The following SORCS2 variants were observed in gnomAD, a reference collection of about 807,000 sequenced individuals.
The protein encoded by SORCS2 is sortilin related VPS10 domain containing receptor 2, also known as VPS10 domain-containing receptor SorCS2.
SORCS2 carries 100 observed loss-of-function variants against 141.6 expected under a neutral mutation model. The observed-to-expected ratio is 0.71, with a 90% CI of 0.60 to 0.83. The LOEUF is 0.83. Ranked by LOEUF, SORCS2 falls within the 40% of genes least tolerant of loss-of-function variation. The probability of loss-of-function intolerance (pLI) is 0.00; values close to 1 mark genes in which losing one functional copy is unlikely to be tolerated. For synonymous variants in SORCS2, 789 were observed against 676.9 expected (o/e 1.17, Z -2.57); for missense variants, 1,646 against 1,560.2 (o/e 1.05, Z -0.93).
At chr4:7,571,949 T>C (rs1048992602) in intron 3 of SORCS2, among the ~76,000 whole-genome samples, 2 of 152,200 alleles carry the variant, frequency 1.3e-5, no homozygotes, top group Non-Finnish European at 2.9e-5. Context: ...AAACGTGCCC[T>C]ACCAGCTGCC....
chr4:7,621,779 C>T (rs1039965508), intron 3 of SORCS2, among the ~76,000 whole-genome samples: 2 of 152,248 alleles, frequency 1.3e-5, no homozygotes, highest in Non-Finnish European at 2.9e-5. Context: ...CTGTCACCAG[C>T]TCGGCTCTGT....
chr4:7,300,787 C>T (rs1335025392), intron 1 of SORCS2, among the ~76,000 whole-genome samples: 1 of 152,184 alleles, frequency 6.6e-6, no homozygotes. Flanking sequence ...CCAGGCCTTG[C>T]TTGATTTCTG....
chr4:7,267,500 G>A (rs775707992), intron 1 of SORCS2, among the ~76,000 whole-genome samples: 8 of 152,082 alleles, frequency 5.3e-5, no homozygotes, highest in Admixed American at 1.3e-4. Flanking sequence ...AGCAGAACTC[G>A]CTGGATACAT....
At chr4:7,288,749 C>T (rs1184755640) in intron 1 of SORCS2, among the ~76,000 whole-genome samples, 1 of 132,400 alleles carries the variant, frequency 7.6e-6, no homozygotes, top group African/African-American at 2.9e-5. Flanking sequence ...CAGATACAGT[C>T]ACATTGGCAG....
intron 1 of SORCS2, among the ~76,000 whole-genome samples, chr4:7,341,629 G>A (rs1322444691): frequency 6.6e-6 from 1 of 152,208 alleles, no homozygotes; most frequent in Non-Finnish European, 1.5e-5. Flanking sequence ...ATTTCCTGAG[G>A]TTCCATGCAG....
At chr4:7,724,533 G>A (rs924826693) in intron 19 of SORCS2, among the ~76,000 whole-genome samples, 41 of 146,370 alleles carry the variant, frequency 2.8e-4, no homozygotes, top group South Asian at 8.7e-4. Context: ...TAGGGTGGTG[G>A]TGATGGTGAT....
At chr4:7,468,212 C>T (rs1729738642) in intron 2 of SORCS2, among the ~76,000 whole-genome samples, 1 of 152,222 alleles carries the variant, frequency 6.6e-6, no homozygotes, top group Admixed American at 6.5e-5. Context: ...GTGTGAATAG[C>T]CCCAGGTCTA....
intron 1 of SORCS2, among the ~76,000 whole-genome samples, chr4:7,334,793 C>A (rs548495550): frequency 6.6e-6 from 1 of 152,022 alleles, no homozygotes; most frequent in African/African-American, 2.4e-5. Context: ...TCCTCCTGGC[C>A]GGCTTCATGG....
At chr4:7,428,541 G>T (rs1386262227) in intron 2 of SORCS2, among the ~76,000 whole-genome samples, 1 of 152,226 alleles carries the variant, frequency 6.6e-6, no homozygotes, top group Non-Finnish European at 1.5e-5. Context: ...GACAAGTGTG[G>T]AGTGGTGGTG....
At chr4:7,486,353 G>A (rs1480255000) in intron 2 of SORCS2, among the ~76,000 whole-genome samples, 1 of 36,236 alleles carries the variant, frequency 2.8e-5, no homozygotes, top group Non-Finnish European at 6.5e-5. Context: ...GCAGAACCAG[G>A]TGGACAGATG....
chr4:7,390,274 C>T (rs1723770235), intron 1 of SORCS2, among the ~76,000 whole-genome samples: 1 of 152,170 alleles, frequency 6.6e-6, no homozygotes, highest in African/African-American at 2.4e-5. Context: ...GGGCCTGAGT[C>T]TGTCTGTCTT....
intron 1 of SORCS2, among the ~76,000 whole-genome samples, chr4:7,343,742 T>C (rs1720500668): frequency 6.6e-6 from 1 of 152,172 alleles, no homozygotes; most frequent in South Asian, 2.1e-4. Flanking sequence ...AGCACCCACC[T>C]AGTGTTGAGT....
intron 1 of SORCS2, among the ~76,000 whole-genome samples, chr4:7,332,685 C>A (rs1233168828): frequency 6.6e-6 from 1 of 152,226 alleles, no homozygotes; most frequent in East Asian, 1.9e-4. Flanking sequence ...AAGTCACACC[C>A]TGTGCAGGGC....
chr4:7,328,309 T>A (rs921394949), intron 1 of SORCS2, among the ~76,000 whole-genome samples: 1 of 151,896 alleles, frequency 6.6e-6, no homozygotes, highest in Non-Finnish European at 1.5e-5. Flanking sequence ...GTGCTGGGTT[T>A]ACAGGCATGA....
At chr4:7,226,268 G>A (rs1728984657) in intron 1 of SORCS2, among the ~76,000 whole-genome samples, 1 of 152,154 alleles carries the variant, frequency 6.6e-6, no homozygotes, top group African/African-American at 2.4e-5. Flanking sequence ...ACTGAGGCTT[G>A]GAGAGGTATG....
At chr4:7,566,227 A>G (rs1430686293) in intron 3 of SORCS2, among the ~76,000 whole-genome samples, 2 of 149,220 alleles carry the variant, frequency 1.3e-5, no homozygotes, top group African/African-American at 5.0e-5. Context: ...GACAGAGATG[A>G]TGATAATGTG....
chr4:7,492,470 T>A (rs1020197920), intron 2 of SORCS2, among the ~76,000 whole-genome samples: 1 of 152,224 alleles, frequency 6.6e-6, no homozygotes, highest in African/African-American at 2.4e-5. Context: ...TCTTCATGCA[T>A]CATCTGTTGG....
intron 4 of SORCS2, among the ~76,000 whole-genome samples, chr4:7,642,035 G>C (rs1720784911): frequency 6.6e-6 from 1 of 152,170 alleles, no homozygotes; most frequent in Admixed American, 6.5e-5. Context: ...ATGGATGGAT[G>C]GGTGGGTGGT....
At chr4:7,493,859 G>A (rs2109407695) in intron 2 of SORCS2, among the ~76,000 whole-genome samples, 1 of 152,368 alleles carries the variant, frequency 6.6e-6, no homozygotes, top group South Asian at 2.1e-4. Flanking sequence ...CATGCATTGT[G>A]TGGATATTAA....
Sources: allele counts gnomAD v4.1 joint callset (sites outside exome capture counted in the v4.1 genomes callset), GRCh38; gene constraint gnomAD v4.1.1; transcripts MANE v1.5; gene names NCBI Gene and HGNC (gene_info 2026-07-23, HGNC 2026-07-21).